Variants in ZBTB7C observed in about 807,000 individuals in gnomAD.
ZBTB7C encodes the protein zinc finger and BTB domain containing 7C, also known as zinc finger and BTB domain-containing protein 7C.
A neutral mutation model predicts 25.7 loss-of-function variants in ZBTB7C; 8 were observed. The observed-to-expected ratio is 0.31, with a 90% confidence interval of 0.18 to 0.56. The LOEUF is 0.56. Ranked by LOEUF, ZBTB7C falls within the 20% of genes least tolerant of loss-of-function variation. The pLI is 0.91. For synonymous variants in ZBTB7C, 394 were observed against 369.0 expected (o/e 1.07, Z -0.78); for missense variants, 824 against 855.2 (o/e 0.96, Z 0.46).
At chr18:48,137,276 TCGCGCGTTA>T (rs2040201164) in intron 3 of ZBTB7C, 1 of 985,452 alleles carries the variant, frequency 1.0e-6, no homozygotes. Flanking sequence ...ATCTCACCAC[TCGCGCGTTA>T]CGCTTCACTT....
At chr18:48,137,563 C>A (rs964179327) in intron 3 of ZBTB7C, among the ~76,000 whole-genome samples, 46 of 152,290 alleles carry the variant, frequency 3.0e-4, no homozygotes, top group African/African-American at 1.1e-3. Context: ...AACCTAAGCC[C>A]AATAAAATTA....
chr18:48,168,037 G>T (rs80356011), intron 3 of ZBTB7C, among the ~76,000 whole-genome samples: 2,829 of 152,274 alleles, frequency 0.019, 86 homozygotes, highest in African/African-American at 0.066. Context: ...GCTTTGATTT[G>T]GCCTTGGTGA....
At chr18:48,127,407 A>C (rs2039838313) in intron 3 of ZBTB7C, among the ~76,000 whole-genome samples, 1 of 152,196 alleles carries the variant, frequency 6.6e-6, no homozygotes. Context: ...ATTCTACAGA[A>C]TCTTGCTTCA....
intron 2 of ZBTB7C, among the ~76,000 whole-genome samples, chr18:48,240,733 A>G (rs560902103): frequency 1.3e-5 from 2 of 152,330 alleles, no homozygotes; most frequent in South Asian, 4.1e-4. Flanking sequence ...AATACACCAA[A>G]ATAGAACCTC....
At chr18:48,143,392 T>G (rs540313592) in intron 3 of ZBTB7C, among the ~76,000 whole-genome samples, 1 of 152,328 alleles carries the variant, frequency 6.6e-6, no homozygotes, top group East Asian at 1.9e-4. Context: ...AGAACATTTA[T>G]GCACAGAAAA....
At chr18:48,350,095 G>A (rs928739772) in intron 1 of ZBTB7C, among the ~76,000 whole-genome samples, 1 of 152,208 alleles carries the variant, frequency 6.6e-6, no homozygotes, top group Non-Finnish European at 1.5e-5. Flanking sequence ...ATTGTTTTGA[G>A]TGGAATATTA....
chr18:48,053,942 A>G (rs1169215978), intron 3 of ZBTB7C, among the ~76,000 whole-genome samples: 2 of 152,240 alleles, frequency 1.3e-5, no homozygotes, highest in Non-Finnish European at 2.9e-5. Flanking sequence ...GGGAAGGACA[A>G]CATTTTGGCA....
intron 2 of ZBTB7C, among the ~76,000 whole-genome samples, chr18:48,305,694 T>G (rs1199686248): frequency 6.6e-6 from 1 of 151,742 alleles, no homozygotes; most frequent in Admixed American, 6.6e-5. Flanking sequence ...TTAGGGAGAG[T>G]GGATGAACAT....
intron 1 of ZBTB7C, among the ~76,000 whole-genome samples, chr18:48,361,414 A>G (rs571382491): frequency 8.5e-5 from 13 of 152,358 alleles, no homozygotes; most frequent in African/African-American, 3.1e-4. Context: ...CTCAGAGCCC[A>G]GAGGAGGCTC....
chr18:48,102,335 A>G (rs993947135), intron 3 of ZBTB7C, among the ~76,000 whole-genome samples: 3 of 152,192 alleles, frequency 2.0e-5, no homozygotes, highest in Non-Finnish European at 4.4e-5. Flanking sequence ...AGGCCAAGGT[A>G]ACAGGATCGC....
intron 3 of ZBTB7C, among the ~76,000 whole-genome samples, chr18:48,045,778 G>T (rs1288502206): frequency 2.0e-5 from 3 of 152,184 alleles, no homozygotes; most frequent in Non-Finnish European, 4.4e-5. Context: ...GTCTCTGCTA[G>T]ATTGTAAGCT....
At chr18:48,296,121 A>G (rs2045381982) in intron 2 of ZBTB7C, among the ~76,000 whole-genome samples, 1 of 152,088 alleles carries the variant, frequency 6.6e-6, no homozygotes, top group Non-Finnish European at 1.5e-5. Context: ...GGCCTCACCA[A>G]CCACCTGCCA....
intron 1 of ZBTB7C, among the ~76,000 whole-genome samples, chr18:48,402,365 C>T (rs1295536830): frequency 6.6e-6 from 1 of 151,964 alleles, no homozygotes; most frequent in Middle Eastern, 3.2e-3. Flanking sequence ...ACATCCATTA[C>T]AAGTGTGTTT....
intron 3 of ZBTB7C, among the ~76,000 whole-genome samples, chr18:48,177,581 G>A (rs543637363): frequency 5.7e-4 from 87 of 152,146 alleles, no homozygotes; most frequent in Non-Finnish European, 5.9e-4. Flanking sequence ...GTATACGCAT[G>A]TGTGTGTTTG....
In ZBTB7C at chr18:48,367,198, T is replaced by TACACAC. The variant is rs1457388698; in HGVS notation, c.-303-28801_-303-28800insGTGTGT. Among the ~76,000 whole-genome samples the TACACAC allele has an allele frequency of 3.3e-5, 2 of 60,966 alleles. 1 individual carries two copies. Among genetic ancestry groups the TACACAC allele is most frequent in the African/African-American group, 1.3e-4 (2 of 15,266 alleles). The allele number at this position is 60,966 out of a possible 152,430, so 40.0% of individuals were successfully genotyped here. A position where few individuals can be genotyped will look rare whatever the true frequency, so the allele number is the denominator to read the frequency against. ...TTTTATATATATATATATATATATA[T>TACACAC]ATATACACACACACACACACACACA... On this transcript the variant is annotated intron_variant, in intron 1 of 4. Transcript: ENST00000590800.
chr18:48,383,509 G>T (rs1175364018), intron 1 of ZBTB7C, among the ~76,000 whole-genome samples: 1 of 152,058 alleles, frequency 6.6e-6, no homozygotes, highest in Non-Finnish European at 1.5e-5. Flanking sequence ...CAAGTGATCC[G>T]CCTGCCTGAG....
chr18:48,367,115 G>C (rs1248338175), intron 1 of ZBTB7C, among the ~76,000 whole-genome samples: 1 of 145,570 alleles, frequency 6.9e-6, no homozygotes, highest in Non-Finnish European at 1.5e-5. Flanking sequence ...GAAGTAGAGA[G>C]GGCTTCCCCT....
Position 48,029,631 on chromosome 18 carries a change from C to T in ZBTB7C, c.1489G>A (p.Gly497Ser). 6.6e-7 allele frequency: 1 copy of T among 1,506,664 alleles called. No homozygotes were observed. The highest frequency in any genetic ancestry group is 8.8e-7 in the Non-Finnish European group (1 of 1,137,538). 93.3% of individuals were successfully genotyped at this position (1,506,664 alleles called of 1,614,324 possible). Reference protein sequence around the residue: ...RAASLLFGPGGPAPDKAAFVM... With the variant: ...RAASLLFGPGSPAPDKAAFVM... Reference sequence around the variant, plus strand: ...AAGGCCGCCTTGTCGGGGGCCGGGCCGCCGGGCCCGAAGAGCAGGCTGGCG... The same window carrying T: ...AAGGCCGCCTTGTCGGGGGCCGGGCTGCCGGGCCCGAAGAGCAGGCTGGCG... Residue 497 changes from glycine to serine, a missense_variant, in exon 5 of 5, where the codon GGC (glycine) becomes AGC (serine). Physicochemically the swap from Gly to Ser is moderately conservative, Grantham distance 56. Transcript: ENST00000590800.
At chr18:48,228,367 G>T (rs531659045) in intron 2 of ZBTB7C, among the ~76,000 whole-genome samples, 1 of 152,190 alleles carries the variant, frequency 6.6e-6, no homozygotes, top group East Asian at 1.9e-4. Flanking sequence ...TCCCAAGCCT[G>T]CCTCTGGCCA....
Sources: allele counts gnomAD v4.1 joint callset (sites outside exome capture counted in the v4.1 genomes callset), GRCh38; gene constraint gnomAD v4.1.1; transcripts MANE v1.5; gene names NCBI Gene and HGNC (gene_info 2026-07-23, HGNC 2026-07-21).